TMEM178B: variants seen among roughly 807,000 people sequenced by gnomAD.
TMEM178B encodes the protein transmembrane protein 178B.
In TMEM178B, 5 loss-of-function variants were observed where a neutral mutation model predicts 31.0. The observed-to-expected ratio is 0.16, with a 90% CI of 0.08 to 0.34. The LOEUF (loss-of-function observed/expected upper bound fraction) is 0.34, where lower values mean the gene tolerates loss of function less well. Ranked by LOEUF, TMEM178B falls within the 10% of genes least tolerant of loss-of-function variation. The probability of loss-of-function intolerance (pLI) is 1.00; values close to 1 mark genes in which losing one functional copy is unlikely to be tolerated. For synonymous variants in TMEM178B, 164 were observed against 164.0 expected (o/e 1.00, Z 0.00); for missense variants, 275 against 400.3 (o/e 0.69, Z 2.67).
chr7:141,244,701 G>A (rs1280517610), intron 2 of TMEM178B, among the ~76,000 whole-genome samples: 3 of 152,138 alleles, frequency 2.0e-5, no homozygotes, highest in Non-Finnish European at 4.4e-5. Flanking sequence ...GAAAAATTGA[G>A]TGAGAATACA....
At chr7:141,148,349 GA>G (rs1427235221) in intron 1 of TMEM178B, among the ~76,000 whole-genome samples, 1 of 152,198 alleles carries the variant, frequency 6.6e-6, no homozygotes, top group Non-Finnish European at 1.5e-5. Flanking sequence ...ATTAGGATGT[GA>G]ACATCTTTAG....
intron 2 of TMEM178B, among the ~76,000 whole-genome samples, chr7:141,378,885 A>G (rs1039739727): frequency 1.3e-5 from 2 of 152,342 alleles, no homozygotes; most frequent in Non-Finnish European, 2.9e-5. Flanking sequence ...GAAATGGGAT[A>G]TGCTGCCACT....
chr7:141,146,537 A>G (rs1375622513), intron 1 of TMEM178B, among the ~76,000 whole-genome samples: 1 of 152,224 alleles, frequency 6.6e-6, no homozygotes, highest in Admixed American at 6.5e-5. Flanking sequence ...GAGTGTAATT[A>G]TAGTATCTAT....
chr7:141,320,336 G>A (rs762910284), intron 2 of TMEM178B, among the ~76,000 whole-genome samples: 6 of 152,122 alleles, frequency 3.9e-5, no homozygotes, highest in East Asian at 1.9e-4. Flanking sequence ...TCAGCACAAC[G>A]TATGTGTTCA....
At chr7:141,083,810 A>G (rs1300399589) in intron 1 of TMEM178B, among the ~76,000 whole-genome samples, 1 of 152,242 alleles carries the variant, frequency 6.6e-6, no homozygotes, top group Non-Finnish European at 1.5e-5. Context: ...TAAACACTCA[A>G]TAGAGAAAGG....
chr7:141,468,484 G>A (rs962731565), intron 3 of TMEM178B, among the ~76,000 whole-genome samples: 1 of 152,204 alleles, frequency 6.6e-6, no homozygotes, highest in African/African-American at 2.4e-5. Context: ...TAGCCTGCCT[G>A]AGTTTGTAAC....
chr7:141,392,114 T>C (rs1324918418), intron 2 of TMEM178B, among the ~76,000 whole-genome samples: 1 of 152,112 alleles, frequency 6.6e-6, no homozygotes, highest in African/African-American at 2.4e-5. Context: ...ATTTTAGGCA[T>C]GTACAAAAGT....
rs1195070737 is a variant in TMEM178B, at chr7:141,478,016, G to T, written c.*7230G>T. 2 of 152,560 alleles carry T rather than the reference G, an allele frequency of 1.3e-5. No individual in the cohort carries two copies. Among genetic ancestry groups the T allele is most frequent in the Admixed American group, 1.3e-4 (2 of 15,286 alleles). The allele number at this position is 152,560 out of a possible 1,614,324, so 9.5% of individuals were successfully genotyped here. The stretch of plus-strand genomic sequence containing the variant: ...GAGAAAGAGCATCCAAGGAGATGAT[G>T]TGTGAATTGCTTTGTAATTTATGAC... On this transcript the variant is annotated 3_prime_UTR_variant, in exon 4 of 4. Transcript: ENST00000565468.
chr7:141,428,804 T>C (rs1464804490), intron 2 of TMEM178B, among the ~76,000 whole-genome samples: 1 of 152,202 alleles, frequency 6.6e-6, no homozygotes, highest in East Asian at 1.9e-4. Flanking sequence ...TCACCCCTGC[T>C]ATGAAACTTT....
intron 1 of TMEM178B, among the ~76,000 whole-genome samples, chr7:141,142,783 T>C (rs1795795464): frequency 6.6e-6 from 1 of 152,244 alleles, no homozygotes; most frequent in African/African-American, 2.4e-5. Context: ...TTTAAGTTCT[T>C]TGAGAAATCT....
At chr7:141,359,274 G>A (rs1156415850) in intron 2 of TMEM178B, among the ~76,000 whole-genome samples, 1 of 152,192 alleles carries the variant, frequency 6.6e-6, no homozygotes, top group Non-Finnish European at 1.5e-5. Flanking sequence ...TTCTGCCCCA[G>A]GGTATAGCCT....
chr7:141,109,538 T>C (rs1332402264), intron 1 of TMEM178B, among the ~76,000 whole-genome samples: 1 of 152,170 alleles, frequency 6.6e-6, no homozygotes, highest in African/African-American at 2.4e-5. Flanking sequence ...TTAATTCAGT[T>C]TAATTCATGT....
At chr7:141,106,808 A>G (rs1795154818) in intron 1 of TMEM178B, among the ~76,000 whole-genome samples, 1 of 152,210 alleles carries the variant, frequency 6.6e-6, no homozygotes, top group South Asian at 2.1e-4. Flanking sequence ...CTTAACACAT[A>G]TTTCATATTT....
intron 1 of TMEM178B, among the ~76,000 whole-genome samples, chr7:141,133,300 T>C (rs1795622279): frequency 6.6e-6 from 1 of 151,832 alleles, no homozygotes; most frequent in Admixed American, 6.6e-5. Flanking sequence ...AGAAACTCAA[T>C]AAGATACAAG....
chr7:141,335,685 A>C (rs1404607892), intron 2 of TMEM178B, among the ~76,000 whole-genome samples: 1 of 151,970 alleles, frequency 6.6e-6, no homozygotes, highest in Non-Finnish European at 1.5e-5. Context: ...GCGCAATTTG[A>C]TGGGATCTTG....
At chr7:141,437,047 C>T (rs1435242494) in intron 2 of TMEM178B, among the ~76,000 whole-genome samples, 1 of 152,094 alleles carries the variant, frequency 6.6e-6, no homozygotes, top group African/African-American at 2.4e-5. Flanking sequence ...AACACCAGAC[C>T]CCCCATGCTG....
At chr7:141,140,942 T>C (rs1395804447) in intron 1 of TMEM178B, among the ~76,000 whole-genome samples, 2 of 152,324 alleles carry the variant, frequency 1.3e-5, no homozygotes, top group South Asian at 2.1e-4. Context: ...ATTTTTCTAC[T>C]GTGAAGTTAT....
chr7:141,133,355 G>T (rs1328309193), intron 1 of TMEM178B, among the ~76,000 whole-genome samples: 3 of 152,074 alleles, frequency 2.0e-5, no homozygotes, highest in Non-Finnish European at 4.4e-5. Context: ...AACAATTCAT[G>T]ATCTGAGTGA....
At chr7:141,324,821 G>A (rs1258666321) in intron 2 of TMEM178B, among the ~76,000 whole-genome samples, 1 of 152,044 alleles carries the variant, frequency 6.6e-6, no homozygotes, top group Non-Finnish European at 1.5e-5. Flanking sequence ...GGTTGTCTTT[G>A]TGGATTCTTT....
Sources: gnomAD v4.1 joint callset for allele counts (sites outside exome capture counted in the v4.1 genomes callset) on GRCh38, gnomAD v4.1.1 for gene constraint, MANE v1.5 for transcripts, NCBI Gene and HGNC (gene_info 2026-07-23, HGNC 2026-07-21) for gene names.